The following ZFHX3 variants were observed in gnomAD, a reference collection of about 807,000 sequenced individuals.
ZFHX3 encodes the protein zinc finger homeobox protein 3.
Under a neutral mutation model 279.1 loss-of-function variants are expected in ZFHX3, and 42 were observed. The observed-to-expected ratio is 0.15, with a 90% CI of 0.12 to 0.19. ZFHX3 has a LOEUF of 0.19. Among genes scored for constraint, ZFHX3 ranks in the 10% least tolerant of loss-of-function variants. The probability of loss-of-function intolerance (pLI) is 1.00; values close to 1 mark genes in which losing one functional copy is unlikely to be tolerated. For missense variants in ZFHX3, 4,981 were observed against 4,754.0 expected (o/e 1.05, Z -1.40); for synonymous variants, 2,293 against 1,957.8 (o/e 1.17, Z -4.52).
At chr16:72,943,469 T>G (rs532088801) in intron 3 of ZFHX3, among the ~76,000 whole-genome samples, 1 of 151,820 alleles carries the variant, frequency 6.6e-6, no homozygotes, top group African/African-American at 2.4e-5. Context: ...GAGGCGGAGG[T>G]TGCAATGAGC....
chr16:73,479,954 G>C (rs951420861), intron 2 of ZFHX3, among the ~76,000 whole-genome samples: 1 of 152,162 alleles, frequency 6.6e-6, no homozygotes, highest in Non-Finnish European at 1.5e-5. Context: ...TAAAAGCTCC[G>C]GGTCAACCCA....
intron 5 of ZFHX3, among the ~76,000 whole-genome samples, chr16:73,172,451 G>T (rs1216666071): frequency 2.0e-5 from 3 of 152,188 alleles, no homozygotes; most frequent in African/African-American, 7.2e-5. Context: ...ATTTATAGCC[G>T]TGTGAGACTC....
At chr16:73,230,753 C>T (rs1368232247) in intron 5 of ZFHX3, among the ~76,000 whole-genome samples, 1 of 152,180 alleles carries the variant, frequency 6.6e-6, no homozygotes, top group Non-Finnish European at 1.5e-5. Flanking sequence ...GTAGGGGCAC[C>T]TCAGCCCGTG....
At chr16:73,747,685 T>A (rs540406934) in intron 1 of ZFHX3, among the ~76,000 whole-genome samples, 3 of 152,308 alleles carry the variant, frequency 2.0e-5, no homozygotes, top group African/African-American at 4.8e-5. Context: ...AGGTAATGTA[T>A]GTATGTGTAG....
At chr16:72,842,109 G>A (rs543983760) in intron 4 of ZFHX3, among the ~76,000 whole-genome samples, 3 of 152,312 alleles carry the variant, frequency 2.0e-5, no homozygotes, top group South Asian at 2.1e-4. Flanking sequence ...AGATCCTTCC[G>A]TGTACACACT....
At chr16:73,505,669 G>C (rs1232907019) in intron 2 of ZFHX3, among the ~76,000 whole-genome samples, 2 of 152,160 alleles carry the variant, frequency 1.3e-5, no homozygotes, top group Non-Finnish European at 2.9e-5. Flanking sequence ...GACTCCGCAG[G>C]CTTAAAACTT....
At chr16:73,121,457 G>C (rs1966498016) in intron 7 of ZFHX3, among the ~76,000 whole-genome samples, 1 of 152,034 alleles carries the variant, frequency 6.6e-6, no homozygotes, top group South Asian at 2.1e-4. Flanking sequence ...GGCTTGTACT[G>C]TGTTTCTACT....
At chr16:73,681,178 T>C (rs2053006346) in intron 1 of ZFHX3, among the ~76,000 whole-genome samples, 2 of 152,230 alleles carry the variant, frequency 1.3e-5, no homozygotes, top group Admixed American at 6.5e-5. Flanking sequence ...AGCATCTTGC[T>C]ATTATTTCCA....
intron 7 of ZFHX3, among the ~76,000 whole-genome samples, chr16:73,105,684 C>T (rs539106846): frequency 2.3e-3 from 353 of 152,038 alleles, no homozygotes; most frequent in African/African-American, 5.6e-3. Flanking sequence ...TTCTGGGAGG[C>T]GGAGGTTGCA....
At position 73,739,531 on chromosome 16, in the gene ZFHX3, G is replaced by A. The variant is rs530503440; in HGVS notation, c.-1607-59291C>T. On this transcript the variant is annotated intron_variant, in intron 1 of 17. Transcript: ENST00000641206. Reference sequence around the variant, plus strand: ...CCCCAAATTGAGAACTGATGCTGTAGGAGATGAGGTGTCTGGAGCTCCATG... The same window carrying A: ...CCCCAAATTGAGAACTGATGCTGTAAGAGATGAGGTGTCTGGAGCTCCATG... 3.3e-5 allele frequency among the ~76,000 whole-genome samples: 5 copies of A among 152,296 alleles called. No homozygotes were observed. In the East Asian group the frequency reaches 9.7e-4, roughly 29 times the overall value.
chr16:73,682,914 A>G lies in ZFHX3; in HGVS notation c.-1607-2674T>C, dbSNP rs55820674. On this transcript the variant is annotated intron_variant, in intron 1 of 17. Transcript: ENST00000641206. Reference sequence around the variant, plus strand: ...AGAAAGAAAGAAAGAAAGAGAAAGAAAGAGAGAAAGAGAAAGAAAGAAAGA... The same window carrying G: ...AGAAAGAAAGAAAGAAAGAGAAAGAGAGAGAGAAAGAGAAAGAAAGAAAGA... Among the ~76,000 whole-genome samples the G allele has an allele frequency of 8.9e-3, 425 of 47,492 alleles. 7 individuals carry two copies. Among genetic ancestry groups the G allele is most frequent in the Non-Finnish European group, 0.014 (342 of 24,504 alleles). 31.2% of individuals were successfully genotyped at this position (47,492 alleles called of 152,430 possible).
At chr16:73,641,909 T>C (rs570844039) in intron 2 of ZFHX3, among the ~76,000 whole-genome samples, 2 of 152,270 alleles carry the variant, frequency 1.3e-5, no homozygotes, top group South Asian at 4.1e-4. Context: ...AATTGGTCTC[T>C]CTGTGAAATT....
intron 3 of ZFHX3, among the ~76,000 whole-genome samples, chr16:73,364,750 C>T (rs16971820): frequency 0.039 from 5,897 of 152,252 alleles, 286 homozygotes; most frequent in African/African-American, 0.11. Flanking sequence ...AAGCACCCTG[C>T]GACCGTGTGG....
intron 1 of ZFHX3, among the ~76,000 whole-genome samples, chr16:73,689,905 CG>C (rs781014802): frequency 7.9e-5 from 12 of 151,670 alleles, no homozygotes; most frequent in Non-Finnish European, 1.3e-4. Context: ...CTGCAACCTC[CG>C]CCTCCCAGGT....
chr16:73,458,708 C>G (rs762015318), intron 2 of ZFHX3, among the ~76,000 whole-genome samples: 29 of 152,118 alleles, frequency 1.9e-4, no homozygotes, highest in Non-Finnish European at 1.5e-4. Flanking sequence ...AGGTCACCCC[C>G]AACCTTTATC....
At chr16:73,323,519 A>G (rs1239330886) in intron 3 of ZFHX3, among the ~76,000 whole-genome samples, 3 of 152,216 alleles carry the variant, frequency 2.0e-5, no homozygotes, top group Admixed American at 6.5e-5. Flanking sequence ...GAAAATAAAG[A>G]AATGGAAGTA....
rs577451498 is a variant in ZFHX3, at chr16:73,750,666, G to A, written c.-1607-70426C>T. 4.6e-5 allele frequency among the ~76,000 whole-genome samples: 7 copies of A among 152,224 alleles called. No individual in the cohort carries two copies. The East Asian group carries it at 1.2e-3, about 25-fold the overall frequency. ...GAAAAAAGCCATGAGGAGGTAAGGC[G>A]AGCACTGCAGCTCAGCAATTCTCTG... On this transcript the variant is annotated intron_variant, in intron 1 of 17. Coordinates refer to the ZFHX3 transcript ENST00000641206.
intron 2 of ZFHX3, among the ~76,000 whole-genome samples, chr16:73,560,075 C>T (rs936386857): frequency 6.6e-6 from 1 of 152,196 alleles, no homozygotes; most frequent in Non-Finnish European, 1.5e-5. Flanking sequence ...AACCCCAGTG[C>T]CTGATGATCG....
intron 5 of ZFHX3, among the ~76,000 whole-genome samples, chr16:73,195,803 G>T (rs1281812964): frequency 6.6e-6 from 1 of 152,228 alleles, no homozygotes; most frequent in Non-Finnish European, 1.5e-5. Context: ...AATCAGGAAC[G>T]GCAGGAAGTG....
Sources: gnomAD v4.1 joint callset for allele counts (sites outside exome capture counted in the v4.1 genomes callset) on GRCh38, gnomAD v4.1.1 for gene constraint, MANE v1.5 for transcripts, NCBI Gene and HGNC (gene_info 2026-07-23, HGNC 2026-07-21) for gene names.